Variants in GAB1 observed in about 807,000 individuals in gnomAD.
GAB1 encodes the protein GRB2 associated binding protein 1.
Under a neutral mutation model 66.5 loss-of-function variants are expected in GAB1, and 19 were observed. The observed-to-expected ratio is 0.29, with a 90% CI of 0.20 to 0.42. GAB1 has a LOEUF of 0.42. GAB1 is among the 10% of genes least tolerant of loss of function. The pLI, the probability that GAB1 is intolerant of heterozygous loss-of-function variation, is 1.00. For synonymous variants in GAB1, 294 were observed against 301.4 expected (o/e 0.98, Z 0.25); for missense variants, 732 against 858.5 (o/e 0.85, Z 1.84).
chr4:143,408,768 T>C (rs1358605259), intron 1 of GAB1, among the ~76,000 whole-genome samples: 1 of 152,224 alleles, frequency 6.6e-6, no homozygotes, highest in Non-Finnish European at 1.5e-5. Context: ...TATATTGAAA[T>C]TTTGAATTCT....
Position 143,337,188 on chromosome 4 carries a change from C to G in GAB1, c.-1C>G. The G allele has an allele frequency of 1.3e-6, 2 of 1,577,186 alleles. No homozygotes were observed. Among genetic ancestry groups the G allele is most frequent in the Non-Finnish European group, 1.7e-6 (2 of 1,161,154 alleles). ...GGCCCGGAGCCCGAGACGCGCGCAC[C>G]ATGAGCGGTGGTGAAGTGGTCTGCT... is the stretch of plus-strand genomic sequence containing the variant. On this transcript the variant is annotated 5_prime_UTR_variant, in exon 1 of 10. Coordinates refer to ENST00000262994, the MANE Select transcript of GAB1 (RefSeq NM_002039.4).
chr4:143,373,044 A>ACACACACACACACACAC (rs1560725364), intron 1 of GAB1, among the ~76,000 whole-genome samples: 4 of 148,264 alleles, frequency 2.7e-5, no homozygotes, highest in Non-Finnish European at 4.5e-5. Flanking sequence ...TTCCTTTAAA[A>ACACACACACACACACAC]ACACACACAC....
chr4:143,457,936 A>G (rs1221438457), intron 6 of GAB1, among the ~76,000 whole-genome samples: 1 of 152,152 alleles, frequency 6.6e-6, no homozygotes, highest in Non-Finnish European at 1.5e-5. Flanking sequence ...ATACACAATG[A>G]GTCTACTTAC....
rs1486934248 is a variant in GAB1 at position 143,470,967 on chromosome 4, AGATT to A, written c.*1785_*1788del. The A allele has an allele frequency of 2.6e-5, 4 of 152,238 alleles. No individual in the cohort carries two copies. The highest frequency in any genetic ancestry group is 2.0e-4 in the Admixed American group (3 of 15,278). 9.4% of individuals were successfully genotyped at this position (152,238 alleles called of 1,614,324 possible). A position where few individuals can be genotyped will look rare whatever the true frequency, so the allele number is the denominator to read the frequency against. ...TTTTAGGTGGATTTTTAAATAAAAA[AGATT>A]GATTGAGTTTGGTGTGCAAGCTGTT... is the stretch of plus-strand genomic sequence containing the variant. On this transcript the variant is annotated 3_prime_UTR_variant, in exon 10 of 10. Transcript: ENST00000262994.
At chr4:143,391,141 T>C (rs560528080) in intron 1 of GAB1, among the ~76,000 whole-genome samples, 2 of 152,292 alleles carry the variant, frequency 1.3e-5, no homozygotes, top group African/African-American at 4.8e-5. Flanking sequence ...TGCCCCACAG[T>C]GCTTAATAAA....
intron 2 of GAB1, among the ~76,000 whole-genome samples, chr4:143,432,665 A>G: frequency 6.6e-6 from 1 of 152,188 alleles, no homozygotes. Flanking sequence ...ATGGCCTTCT[A>G]TTCCTAAACA....
intron 1 of GAB1, among the ~76,000 whole-genome samples, chr4:143,399,242 A>G (rs1731622250): frequency 6.6e-6 from 1 of 152,246 alleles, no homozygotes; most frequent in Non-Finnish European, 1.5e-5. Flanking sequence ...AAATATTAAG[A>G]AAGCAATATA....
chr4:143,427,534 G>GT (rs1351957558), intron 2 of GAB1, among the ~76,000 whole-genome samples: 1 of 150,828 alleles, frequency 6.6e-6, no homozygotes, highest in East Asian at 2.0e-4. Flanking sequence ...AGCCTGACTG[G>GT]TAAAAAAAAA....
intron 6 of GAB1, among the ~76,000 whole-genome samples, chr4:143,441,645 C>T (rs1734245005): frequency 6.6e-6 from 1 of 152,140 alleles, no homozygotes; most frequent in Non-Finnish European, 1.5e-5. Flanking sequence ...CTGTGCATTT[C>T]TGTTTTATGG....
chr4:143,437,103 G>A (rs1232712837), intron 3 of GAB1, among the ~76,000 whole-genome samples: 3 of 152,210 alleles, frequency 2.0e-5, no homozygotes, highest in Non-Finnish European at 4.4e-5. Context: ...TTTACAGAGC[G>A]TAGTGCCACA....
intron 1 of GAB1, among the ~76,000 whole-genome samples, chr4:143,414,488 G>A (rs992279945): frequency 1.5e-4 from 23 of 152,260 alleles, no homozygotes; most frequent in African/African-American, 5.3e-4. Flanking sequence ...ATGTATGTTT[G>A]TTGGGAAGAG....
At chr4:143,338,676 G>GT (rs200334685) in intron 1 of GAB1, among the ~76,000 whole-genome samples, 412 of 148,928 alleles carry the variant, frequency 2.8e-3, no homozygotes, top group Non-Finnish European at 3.3e-3. Flanking sequence ...ACGAGGCAGT[G>GT]TTTTTTTTTC....
At chr4:143,413,971 G>A (rs1732542708) in intron 1 of GAB1, among the ~76,000 whole-genome samples, 1 of 151,368 alleles carries the variant, frequency 6.6e-6, no homozygotes, top group Admixed American at 6.6e-5. Flanking sequence ...ACAGGAACCT[G>A]CCACCACACC....
intron 2 of GAB1, among the ~76,000 whole-genome samples, chr4:143,418,170 C>T (rs2149722090): frequency 6.6e-6 from 1 of 152,272 alleles, no homozygotes; most frequent in East Asian, 1.9e-4. Context: ...TCCAGCTTAG[C>T]TGGGAGGGGG....
chr4:143,410,211 A>G (rs571238404), intron 1 of GAB1, among the ~76,000 whole-genome samples: 2 of 152,234 alleles, frequency 1.3e-5, no homozygotes, highest in African/African-American at 2.4e-5. Context: ...TACAGGGAAA[A>G]GATGAGGGAA....
In GAB1 at chr4:143,449,013, C is replaced by G. The variant is rs192329335; in HGVS notation, c.1585+8631C>G. Among the ~76,000 whole-genome samples, 955 of 151,198 alleles carry G rather than the reference C, an allele frequency of 6.3e-3. 7 individuals carry two copies. The highest frequency in any genetic ancestry group is 0.021 in the African/African-American group (843 of 41,110). On this transcript the variant is annotated intron_variant, in intron 6 of 9. Coordinates refer to ENST00000262994, the MANE Select transcript of GAB1 (RefSeq NM_002039.4). ...TGTCTTTGTTCTCATTGGTTTCAAACAACATCTTTATTTCTGCCTTCATTT... is the reference window on the plus strand; with the variant it reads ...TGTCTTTGTTCTCATTGGTTTCAAAGAACATCTTTATTTCTGCCTTCATTT...
At position 143,409,412 on chromosome 4, in the gene GAB1, C is replaced by A. The variant is rs182398089; in HGVS notation, c.73-6065C>A. ...CCCCCCCCCCGCTCTGAAATCTTTT[C>A]ATTTAGTCTCAGTGGCTGTCTGTGA... On this transcript the variant is annotated intron_variant, in intron 1 of 9. Transcript: ENST00000262994. Among the ~76,000 whole-genome samples, 974 of 133,634 alleles carry A rather than the reference C, an allele frequency of 7.3e-3. 5 individuals carry two copies. Among genetic ancestry groups the A allele is most frequent in the Non-Finnish European group, 0.012 (741 of 63,622 alleles). The allele number at this position is 133,634 out of a possible 152,430, so 87.7% of individuals were successfully genotyped here. A position where few individuals can be genotyped will look rare whatever the true frequency, so the allele number is the denominator to read the frequency against.
chr4:143,338,015 A>G (rs1728717342), intron 1 of GAB1, among the ~76,000 whole-genome samples: 1 of 152,190 alleles, frequency 6.6e-6, no homozygotes, highest in African/African-American at 2.4e-5. Context: ...CTGAAGCCAG[A>G]AGGGATTTCA....
intron 1 of GAB1, among the ~76,000 whole-genome samples, chr4:143,400,894 G>A (rs1048377193): frequency 1.3e-5 from 2 of 151,586 alleles, no homozygotes; most frequent in African/African-American, 4.9e-5. Context: ...ACTTGAACCT[G>A]GGAGGCAGAG....
Sources: gnomAD v4.1 joint callset for allele counts (sites outside exome capture counted in the v4.1 genomes callset) on GRCh38, gnomAD v4.1.1 for gene constraint, MANE v1.5 for transcripts, NCBI Gene and HGNC (gene_info 2026-07-23, HGNC 2026-07-21) for gene names.